Variants in KCNN2 observed in about 807,000 individuals in gnomAD.
KCNN2 encodes small conductance calcium-activated potassium channel protein 2.
KCNN2 carries 24 observed loss-of-function variants against 55.5 expected under a neutral mutation model. That is an observed-to-expected ratio of 0.43 (90% CI 0.31 to 0.61). The LOEUF (loss-of-function observed/expected upper bound fraction) is 0.61, where lower values mean the gene tolerates loss of function less well. Ranked by LOEUF, KCNN2 falls within the 20% of genes least tolerant of loss-of-function variation. The probability of loss-of-function intolerance (pLI) is 0.08; values close to 1 mark genes in which losing one functional copy is unlikely to be tolerated. For synonymous variants in KCNN2, 431 were observed against 336.1 expected (o/e 1.28, Z -3.09); for missense variants, 754 against 853.6 (o/e 0.88, Z 1.45).
chr5:114,331,532 G>A (rs1367374072), intron 2 of KCNN2, among the ~76,000 whole-genome samples: 1 of 152,172 alleles, frequency 6.6e-6, no homozygotes, highest in Non-Finnish European at 1.5e-5. Flanking sequence ...AAGGGGATGT[G>A]ATAAAATGTA....
intron 1 of KCNN2, among the ~76,000 whole-genome samples, chr5:114,063,189 A>C (rs896224920): frequency 2.0e-5 from 3 of 152,164 alleles, no homozygotes; most frequent in African/African-American, 7.2e-5. Context: ...AAAAAGTTTC[A>C]TGCAGCCCCT....
chr5:114,298,746 A>T (rs558077242), intron 2 of KCNN2, among the ~76,000 whole-genome samples: 1 of 152,308 alleles, frequency 6.6e-6, no homozygotes, highest in South Asian at 2.1e-4. Context: ...CCAAAATTCT[A>T]TAATTCAAAT....
chr5:114,124,770 A>G (rs1207655226), intron 1 of KCNN2, among the ~76,000 whole-genome samples: 4 of 152,190 alleles, frequency 2.6e-5, no homozygotes, highest in African/African-American at 7.2e-5. Flanking sequence ...TCTTCTATCA[A>G]ATTGCTTCAG....
chr5:114,222,243 G>A (rs767879188), intron 2 of KCNN2, among the ~76,000 whole-genome samples: 35 of 152,170 alleles, frequency 2.3e-4, no homozygotes, highest in Non-Finnish European at 3.7e-4. Context: ...ATCTAAGAAC[G>A]TAAGCAGGGT....
chr5:114,057,453 T>C (rs1338417289), intron 1 of KCNN2, among the ~76,000 whole-genome samples: 1 of 152,234 alleles, frequency 6.6e-6, no homozygotes, highest in South Asian at 2.1e-4. Flanking sequence ...GCTCAGCATC[T>C]GAGTCTAGAA....
intron 1 of KCNN2, among the ~76,000 whole-genome samples, chr5:114,143,465 A>C (rs1752331024): frequency 6.6e-6 from 1 of 152,146 alleles, no homozygotes; most frequent in Non-Finnish European, 1.5e-5. Context: ...AGTATGCCTT[A>C]ACCCTAAAGA....
intron 1 of KCNN2, among the ~76,000 whole-genome samples, chr5:114,133,582 C>G (rs982549486): frequency 6.6e-6 from 1 of 152,018 alleles, no homozygotes; most frequent in Non-Finnish European, 1.5e-5. Context: ...TTTTGGGATT[C>G]CAGAATCCCA....
At chr5:114,302,876 T>C (rs548603417) in intron 2 of KCNN2, among the ~76,000 whole-genome samples, 1 of 152,298 alleles carries the variant, frequency 6.6e-6, no homozygotes, top group East Asian at 1.9e-4. Flanking sequence ...ATACTGGTTG[T>C]ACTTAGGAGA....
chr5:114,237,850 C>T lies in KCNN2; in HGVS notation c.-185+16285C>T, dbSNP rs559069597. On this transcript the variant is annotated intron_variant, in intron 2 of 10. Transcript: ENST00000512097. ...ACGGGTTGGGAGAGGCTTTACTCCA[C>T]GAGGTGACTCAGGGAACTGAATCTT... Among the ~76,000 whole-genome samples, 10 of 152,304 alleles carry T rather than the reference C, an allele frequency of 6.6e-5. No homozygotes were observed. In the East Asian group the frequency reaches 1.7e-3, roughly 26 times the overall value.
intron 1 of KCNN2, among the ~76,000 whole-genome samples, chr5:114,194,976 C>A (rs563774612): frequency 6.6e-6 from 1 of 151,400 alleles, no homozygotes; most frequent in Non-Finnish European, 1.5e-5. Context: ...TGTCTTGGCA[C>A]CATTGTGCAA....
intron 1 of KCNN2, among the ~76,000 whole-genome samples, chr5:114,065,584 G>T (rs1372294164): frequency 1.3e-5 from 2 of 152,136 alleles, no homozygotes; most frequent in Non-Finnish European, 2.9e-5. Flanking sequence ...CAACATAAAT[G>T]CAATATTAGT....
chr5:114,142,544 CA>C (rs2112506749), intron 1 of KCNN2, among the ~76,000 whole-genome samples: 1 of 152,210 alleles, frequency 6.6e-6, no homozygotes, highest in East Asian at 1.9e-4. Flanking sequence ...AATCAATGGG[CA>C]AAGATCACAG....
chr5:114,389,668 A>ATT (rs1428802684), intron 2 of KCNN2, among the ~76,000 whole-genome samples: 3 of 152,178 alleles, frequency 2.0e-5, no homozygotes, highest in African/African-American at 7.2e-5. Context: ...AAGTTAAAAA[A>ATT]GTTTTCAGAA....
intron 1 of KCNN2, among the ~76,000 whole-genome samples, chr5:114,096,567 C>G (rs930338417): frequency 1.3e-5 from 2 of 152,068 alleles, no homozygotes; most frequent in Admixed American, 1.3e-4. Context: ...GTGCAGAATC[C>G]AGGCCTGGAT....
At chr5:114,110,986 T>A (rs940669657) in intron 1 of KCNN2, among the ~76,000 whole-genome samples, 1 of 152,184 alleles carries the variant, frequency 6.6e-6, no homozygotes, top group South Asian at 2.1e-4. Context: ...TACTCTAAAG[T>A]TCATATGGAA....
intron 1 of KCNN2, among the ~76,000 whole-genome samples, chr5:114,176,294 A>C (rs926712369): frequency 3.9e-5 from 6 of 152,202 alleles, no homozygotes; most frequent in African/African-American, 1.4e-4. Context: ...ATCACCTCAG[A>C]CAAAGCTATA....
intron 2 of KCNN2, among the ~76,000 whole-genome samples, chr5:114,400,363 C>T (rs1758749574): frequency 6.6e-6 from 1 of 152,164 alleles, no homozygotes; most frequent in Admixed American, 6.5e-5. Context: ...GACAGTCCCC[C>T]AATTTAGGTG....
chr5:114,193,856 T>A (rs559893347), intron 1 of KCNN2, among the ~76,000 whole-genome samples: 2 of 152,286 alleles, frequency 1.3e-5, no homozygotes, highest in East Asian at 3.9e-4. Flanking sequence ...TATTTTCTTT[T>A]AAAAATTTTA....
chr5:114,310,715 A>G (rs2150025799), intron 2 of KCNN2, among the ~76,000 whole-genome samples: 1 of 152,266 alleles, frequency 6.6e-6, no homozygotes, highest in East Asian at 1.9e-4. Flanking sequence ...GGAAGGTGAC[A>G]CTTGGTATGA....
Sources: allele counts gnomAD v4.1 joint callset (sites outside exome capture counted in the v4.1 genomes callset), GRCh38; gene constraint gnomAD v4.1.1; transcripts MANE v1.5; gene names NCBI Gene and HGNC (gene_info 2026-07-23, HGNC 2026-07-21).